The following NELL2 variants were observed in gnomAD, a reference collection of about 807,000 sequenced individuals.
The protein encoded by NELL2 is neural EGFL like 2, also known as protein kinase C-binding protein NELL2.
A neutral mutation model predicts 109.6 loss-of-function variants in NELL2; 41 were observed. The observed-to-expected ratio is 0.37, with a 90% CI of 0.29 to 0.49. The LOEUF (loss-of-function observed/expected upper bound fraction) is 0.49, where lower values mean the gene tolerates loss of function less well. Among genes scored for constraint, NELL2 ranks in the 20% least tolerant of loss-of-function variants. The pLI is 0.98. For synonymous variants in NELL2, 355 were observed against 344.7 expected, an observed-to-expected ratio of 1.03 and a Z score of -0.33; for missense variants, 900 against 1,008.3, an observed-to-expected ratio of 0.89 and a Z score of 1.45.
At chr12:44,824,770 G>T (rs963147271) in intron 2 of NELL2, among the ~76,000 whole-genome samples, 1 of 149,508 alleles carries the variant, frequency 6.7e-6, no homozygotes, top group Non-Finnish European at 1.5e-5. Flanking sequence ...GAGTGCAACG[G>T]CATGATCTCG....
intron 3 of NELL2, among the ~76,000 whole-genome samples, chr12:44,808,848 T>C (rs1404245507): frequency 6.6e-5 from 10 of 152,016 alleles, no homozygotes; most frequent in Admixed American, 2.6e-4. Flanking sequence ...CCAGAATGTA[T>C]AATTAATATT....
At chr12:44,636,962 C>T (rs1209058891) in intron 13 of NELL2, among the ~76,000 whole-genome samples, 6 of 152,078 alleles carry the variant, frequency 3.9e-5, no homozygotes, top group Non-Finnish European at 5.9e-5. Flanking sequence ...GTTTTTACTT[C>T]TTCCTGGTTT....
Position 44,714,741 on chromosome 12 carries a change from G to T in NELL2, c.995C>A (p.Ser332Ter). The T allele has an allele frequency of 6.3e-7, 1 of 1,579,166 alleles. No homozygotes were observed. The highest frequency in any genetic ancestry group is 8.6e-7 in the Non-Finnish European group (1 of 1,161,996). ...VDGKCCKECK[S>*]ICQFQGRTYF... The stretch of plus-strand genomic sequence containing the variant: ...GGTTCGTCCTTGAAATTGGCATATC[G>T]CTTTGGAGTAAAAAATACATATATA... The change falls in exon 10 of 20, where the codon TCG (serine) becomes TAG (stop). Residue 332 changes from serine to a stop codon, truncating the protein, a stop_gained and splice_region_variant. Transcript: ENST00000429094. LOFTEE classifies it high-confidence loss of function.
intron 15 of NELL2, among the ~76,000 whole-genome samples, chr12:44,560,736 G>A (rs148429121): frequency 9.1e-4 from 138 of 152,170 alleles, no homozygotes; most frequent in African/African-American, 3.2e-3. Flanking sequence ...ATTTACAGCC[G>A]AATTCTACCA....
chr12:44,847,500 A>G (rs1220087442), intron 2 of NELL2, among the ~76,000 whole-genome samples: 1 of 151,390 alleles, frequency 6.6e-6, no homozygotes, highest in African/African-American at 2.4e-5. Context: ...TTCTAAATGC[A>G]TTTACCTTAG....
chr12:44,766,201 G>GT (rs1941328075), intron 9 of NELL2, among the ~76,000 whole-genome samples: 1 of 151,790 alleles, frequency 6.6e-6, no homozygotes, highest in Non-Finnish European at 1.5e-5. Context: ...CTATATCATT[G>GT]TTTTCTTTAA....
At chr12:44,821,227 T>TA (rs1943533620) in intron 2 of NELL2, among the ~76,000 whole-genome samples, 1 of 152,154 alleles carries the variant, frequency 6.6e-6, no homozygotes. Context: ...CTTCCTTTTT[T>TA]AAAATAAGCA....
At chr12:44,918,469 A>G (rs1644291245), upstream of NELL2, among the ~76,000 whole-genome samples, 1 of 149,178 alleles carries the variant, frequency 6.7e-6, no homozygotes, top group South Asian at 2.1e-4. Context: ...ACTTGACCCC[A>G]CTAGCCTTAT....
intron 9 of NELL2, among the ~76,000 whole-genome samples, chr12:44,745,669 C>G (rs1190148109): frequency 6.6e-6 from 1 of 151,004 alleles, no homozygotes; most frequent in African/African-American, 2.5e-5. Context: ...AGACAGAGAG[C>G]CAAATCTCCA....
chr12:44,613,334 T>C (rs1945696396), intron 13 of NELL2, among the ~76,000 whole-genome samples: 1 of 152,124 alleles, frequency 6.6e-6, no homozygotes, highest in Non-Finnish European at 1.5e-5. Flanking sequence ...GTATTTTTCT[T>C]TGTATCTCAT....
intron 15 of NELL2, among the ~76,000 whole-genome samples, chr12:44,544,389 A>C (rs1213144973): frequency 6.6e-6 from 1 of 152,146 alleles, no homozygotes; most frequent in Non-Finnish European, 1.5e-5. Context: ...TTCAGAAGAG[A>C]ATTAAACCCT....
intron 2 of NELL2, among the ~76,000 whole-genome samples, chr12:44,834,906 C>T (rs1211089709): frequency 1.3e-5 from 2 of 152,070 alleles, no homozygotes; most frequent in African/African-American, 4.8e-5. Context: ...CAGGAGAAGG[C>T]TTTCTGTGCC....
chr12:44,837,349 C>T (rs776304654), intron 2 of NELL2, among the ~76,000 whole-genome samples: 13 of 152,168 alleles, frequency 8.5e-5, no homozygotes, highest in African/African-American at 2.7e-4. Flanking sequence ...TCCAGGGGAA[C>T]CTCATCCCTA....
At chr12:44,826,867 C>T (rs187063786) in intron 2 of NELL2, among the ~76,000 whole-genome samples, 32 of 152,194 alleles carry the variant, frequency 2.1e-4, no homozygotes, top group Admixed American at 5.9e-4. Context: ...ACTCCAGGGG[C>T]GGATAAACCC....
Position 44,573,836 on chromosome 12 carries a change from G to A in NELL2, c.1663+33333C>T, listed in dbSNP as rs530798845. Among the ~76,000 whole-genome samples the A allele has an allele frequency of 1.6e-3, 249 of 152,224 alleles. 2 individuals are homozygous for A. The highest frequency in any genetic ancestry group is 2.3e-3 in the Non-Finnish European group (159 of 68,012). The stretch of plus-strand genomic sequence containing the variant: ...ATTTAATATGAGAATTCCTCACAAC[G>A]CAGAAAGATTTTAACTGTACACAGG... On this transcript the variant is annotated intron_variant, in intron 15 of 19. Transcript: ENST00000429094.
intron 12 of NELL2, among the ~76,000 whole-genome samples, chr12:44,691,294 C>G (rs1322736344): frequency 6.6e-6 from 1 of 152,106 alleles, no homozygotes; most frequent in Non-Finnish European, 1.5e-5. Context: ...ATTTTCATTA[C>G]TATTACATCT....
At chr12:44,750,684 T>C (rs375113005) in intron 9 of NELL2, among the ~76,000 whole-genome samples, 2 of 152,210 alleles carry the variant, frequency 1.3e-5, no homozygotes. Flanking sequence ...AGAACAACAG[T>C]GCGGGTCAAA....
intron 1 of NELL2, among the ~76,000 whole-genome samples, chr12:44,920,253 TAAA>T (rs1945859190): frequency 1.3e-5 from 2 of 152,136 alleles, no homozygotes; most frequent in South Asian, 4.1e-4. Flanking sequence ...CTAAAGTAGA[TAAA>T]GAAGATAATG....
intron 15 of NELL2, among the ~76,000 whole-genome samples, chr12:44,566,385 G>A (rs1943658481): frequency 6.6e-6 from 1 of 152,046 alleles, no homozygotes. Context: ...TAAATAAAGG[G>A]AAGACAAACT....
Sources: gnomAD v4.1 joint callset for allele counts (sites outside exome capture counted in the v4.1 genomes callset) on GRCh38, gnomAD v4.1.1 for gene constraint, MANE v1.5 for transcripts, NCBI Gene and HGNC (gene_info 2026-07-23, HGNC 2026-07-21) for gene names.